The following PTPN12 variants were observed in gnomAD, a reference collection of about 807,000 sequenced individuals.
PTPN12 encodes tyrosine-protein phosphatase non-receptor type 12.
In PTPN12, 29 loss-of-function variants were observed where a neutral mutation model predicts 97.6. The observed-to-expected ratio is 0.30, with a 90% CI of 0.22 to 0.41. The LOEUF (loss-of-function observed/expected upper bound fraction) is 0.41, where lower values mean the gene tolerates loss of function less well. Among genes scored for constraint, PTPN12 ranks in the 10% least tolerant of loss-of-function variants. PTPN12 has a pLI of 1.00. For missense variants in PTPN12, 819 were observed against 926.0 expected, an observed-to-expected ratio of 0.88 and a Z score of 1.50; for synonymous variants, 327 against 300.4, an observed-to-expected ratio of 1.09 and a Z score of -0.91.
intron 11 of PTPN12, among the ~76,000 whole-genome samples, chr7:77,613,959 A>T (rs1316450853): frequency 6.6e-6 from 1 of 152,094 alleles, no homozygotes; most frequent in African/African-American, 2.4e-5. Flanking sequence ...TGGAACAATC[A>T]GGGCTCACTG....
intron 5 of PTPN12, among the ~76,000 whole-genome samples, chr7:77,588,551 T>C (rs1787765980): frequency 6.6e-6 from 1 of 152,192 alleles, no homozygotes. Flanking sequence ...GTTTCCAAAA[T>C]GTGACACAGA....
rs1171291191 is a variant in PTPN12, at chr7:77,571,699, A to G, written c.208+513A>G. ...TTGCATTACATTCTAATGATATTTT[A>G]TTTATTTATTTATTTATTTATTTGT... On this transcript the variant is annotated intron_variant, in intron 2 of 17. Transcript: ENST00000248594. Among the ~76,000 whole-genome samples the G allele has an allele frequency of 4.8e-4, 7 of 14,642 alleles. No individual in the cohort carries two copies. The African/African-American group carries it at 0.014, about 29-fold the overall frequency. The allele number at this position is 14,642 out of a possible 152,430, so 9.6% of individuals were successfully genotyped here. A position where few individuals can be genotyped will look rare whatever the true frequency, so the allele number is the denominator to read the frequency against.
intron 1 of PTPN12, 128 bp downstream of exon 1, chr7:77,537,773 G>A: frequency 1.9e-6 from 2 of 1,030,754 alleles, no homozygotes; most frequent in Non-Finnish European, 2.6e-6. Context: ...CGCACCAGCC[G>A]GGTGAGCCGG....
intron 13 of PTPN12, among the ~76,000 whole-genome samples, chr7:77,628,298 C>G (rs1039611585): frequency 2.0e-5 from 3 of 152,138 alleles, no homozygotes; most frequent in Admixed American, 1.3e-4. Flanking sequence ...TTTTTTAGCA[C>G]TCTTAGCATT....
At chr7:77,633,542 G>T (rs1789478910) in intron 14 of PTPN12, among the ~76,000 whole-genome samples, 1 of 151,782 alleles carries the variant, frequency 6.6e-6, no homozygotes, top group Non-Finnish European at 1.5e-5. Flanking sequence ...CCCGGAGGCA[G>T]AGGTTGGAGT....
At position 77,638,793 on chromosome 7, in the gene PTPN12, C is replaced by G. The variant is rs1252647323; in HGVS notation, c.2281+62C>G. 3.3e-6 allele frequency: 5 copies of G among 1,522,850 alleles called. No homozygotes were observed. The African/African-American group carries it at 7.1e-5, about 21-fold the overall frequency. The allele number at this position is 1,522,850 out of a possible 1,614,324, so 94.3% of individuals were successfully genotyped here. On this transcript the variant is annotated intron_variant, in intron 17 of 17. Coordinates refer to ENST00000248594, the MANE Select transcript of PTPN12 (RefSeq NM_002835.4). ...AACACTGGCAGGAATGAGAAAAGCT[C>G]ATTTGCCATTGTGAAATGACACTTG...
rs140388124 is a variant in PTPN12, at chr7:77,614,405, G to A, written c.939+3359G>A. Among the ~76,000 whole-genome samples the A allele has an allele frequency of 5.1e-4, 78 of 152,082 alleles. 1 individual carries two copies. The East Asian group carries it at 0.015, about 29-fold the overall frequency. Reference sequence around the variant, plus strand: ...TGTCTAATAGGTCAGAGCTTTACGGGAATATAATAAAAAAGTCATACTTTG... The same window carrying A: ...TGTCTAATAGGTCAGAGCTTTACGGAAATATAATAAAAAAGTCATACTTTG... On this transcript the variant is annotated intron_variant, in intron 11 of 17. Transcript: ENST00000248594.
chr7:77,619,694 C>T (rs1412210718), intron 12 of PTPN12, among the ~76,000 whole-genome samples: 5 of 152,142 alleles, frequency 3.3e-5, no homozygotes, highest in Admixed American at 6.5e-5. Flanking sequence ...TGAGAGTACT[C>T]GTATTCTCCG....
intron 12 of PTPN12, 41 bp from the exon 13 acceptor site, chr7:77,626,664 T>G: frequency 6.5e-7 from 1 of 1,540,404 alleles, no homozygotes; most frequent in Non-Finnish European, 8.8e-7. Context: ...TCAACTTGTT[T>G]AACAGTCTTA....
chr7:77,604,209 C>CTTTTTTTTTTTTTTTTTTTTTTTT (rs71082768), intron 8 of PTPN12, among the ~76,000 whole-genome samples: 3 of 52,800 alleles, frequency 5.7e-5, no homozygotes, highest in East Asian at 5.2e-4. Flanking sequence ...TTTTTTCTTC[C>CTTTTTTTTTTTTTTTTTTTTTTTT]TTTTTTTTTT....
chr7:77,548,644 C>A (rs956727639), intron 1 of PTPN12, among the ~76,000 whole-genome samples: 1 of 152,146 alleles, frequency 6.6e-6, no homozygotes, highest in African/African-American at 2.4e-5. Flanking sequence ...GTCAATAAAG[C>A]CCCACTTCCT....
intron 9 of PTPN12, among the ~76,000 whole-genome samples, chr7:77,609,831 A>G (rs1788505693): frequency 6.6e-6 from 1 of 151,522 alleles, no homozygotes; most frequent in Non-Finnish European, 1.5e-5. Context: ...CAGTGAGCGG[A>G]TATCACGCCA....
intron 11 of PTPN12, among the ~76,000 whole-genome samples, chr7:77,611,981 ATTT>A (rs370589017): frequency 2.1e-5 from 3 of 140,038 alleles, no homozygotes; most frequent in Non-Finnish European, 4.7e-5. Context: ...AGGTGCTGAG[ATTT>A]TTTTTTTTTT....
At chr7:77,565,786 TTTTG>T (rs1192867857) in intron 1 of PTPN12, among the ~76,000 whole-genome samples, 36 of 152,354 alleles carry the variant, frequency 2.4e-4, no homozygotes, top group African/African-American at 8.2e-4. Flanking sequence ...TAAACTCGAA[TTTTG>T]TTTGTATCAA....
chr7:77,564,746 G>GTGTTTTTTTTTTT lies in PTPN12; in HGVS notation c.100-6331_100-6330insGTTTTTTTTTTTT, dbSNP rs1808163614. 2.6e-4 allele frequency among the ~76,000 whole-genome samples: 12 copies of GTGTTTTTTTTTTT among 45,402 alleles called. 2 individuals are homozygous for GTGTTTTTTTTTTT. In the East Asian group the frequency reaches 7.2e-3, roughly 27 times the overall value. 29.8% of individuals were successfully genotyped at this position (45,402 alleles called of 152,430 possible). ...TTTTGTTGTTGTTTTTTGTTGTCGT[G>GTGTTTTTTTTTTT]TTTTTTTTTTTTTTTTTTTTTTTTT... On this transcript the variant is annotated intron_variant, in intron 1 of 17. Coordinates refer to ENST00000248594, the MANE Select transcript of PTPN12 (RefSeq NM_002835.4).
At chr7:77,624,873 C>T (rs1419735381) in intron 12 of PTPN12, among the ~76,000 whole-genome samples, 1 of 151,966 alleles carries the variant, frequency 6.6e-6, no homozygotes, top group Non-Finnish European at 1.5e-5. Flanking sequence ...GTGGCTCACC[C>T]CTGTAATCCC....
In PTPN12 at chr7:77,592,177, G is replaced by A. The variant is rs1444417481; in HGVS notation, c.421-8G>A. ...AATTACTTACTAATTTTTTTTTTTG[G>A]ATGACAGAAAAAATGTGAGCGCTAT... On this transcript the variant is annotated splice_polypyrimidine_tract_variant and splice_region_variant and intron_variant, in intron 5 of 17. Transcript: ENST00000248594. The A allele has an allele frequency of 6.3e-7, 1 of 1,588,174 alleles. No homozygotes were observed. Among genetic ancestry groups the A allele is most frequent in the Admixed American group, 1.9e-5 (1 of 53,626 alleles).
rs370038452 is a variant in PTPN12 at position 77,627,220 on chromosome 7, C to T, written c.1541C>T (p.Ser514Phe). ...NKVSVTPPEE[S>F]QNSDTPPRPD... The stretch of plus-strand genomic sequence containing the variant: ...GTTTCAGTTACTCCACCAGAAGAAT[C>T]CCAGAATTCAGACACACCTCCAAGG... Residue 514 changes from serine (S) to phenylalanine (F), a missense_variant, in exon 13 of 18, where the codon TCC becomes TTC. Transcript: ENST00000248594. The T allele has an allele frequency of 5.0e-6, 8 of 1,613,936 alleles. No individual in the cohort carries two copies. The African/African-American group carries it at 8.0e-5, about 16-fold the overall frequency.
rs775574761 is a variant in PTPN12 at position 77,618,531 on chromosome 7, G to C, written c.991G>C (p.Asp331His). The change falls in exon 12 of 18, where the codon GAT (aspartate) becomes CAT (histidine). Residue 331 changes from aspartate to histidine, a missense_variant. By Grantham distance (81) the Asp-to-His change is moderately conservative. Coordinates refer to ENST00000248594, the MANE Select transcript of PTPN12 (RefSeq NM_002835.4). Reference protein sequence around the residue: ...MVSSIEPEKQDSPPPKPPRTR... With the variant: ...MVSSIEPEKQHSPPPKPPRTR... The stretch of plus-strand genomic sequence containing the variant: ...CAGCTCCATAGAGCCTGAAAAACAA[G>C]ATTCTCCTCCTCCAAAACCACCAAG... 1.9e-6 allele frequency: 3 copies of C among 1,609,530 alleles called. No individual in the cohort carries two copies. In the African/African-American group the frequency reaches 4.0e-5, roughly 22 times the overall value.
Sources: gnomAD v4.1 joint callset for allele counts (sites outside exome capture counted in the v4.1 genomes callset) on GRCh38, gnomAD v4.1.1 for gene constraint, MANE v1.5 for transcripts, NCBI Gene and HGNC (gene_info 2026-07-23, HGNC 2026-07-21) for gene names.